Variants in SERINC5 observed in about 807,000 individuals in gnomAD.
SERINC5 encodes serine incorporator 5, also known as chromosome 5 open reading frame 12.
SERINC5 carries 41 observed loss-of-function variants against 63.1 expected under a neutral mutation model. That is an observed-to-expected ratio of 0.65 (90% confidence interval 0.51 to 0.84). SERINC5 has a LOEUF of 0.84. Among genes scored for constraint, SERINC5 ranks in the 40% least tolerant of loss-of-function variants. The pLI is 0.00. For synonymous variants in SERINC5, 222 were observed against 215.2 expected (o/e 1.03, Z -0.28); for missense variants, 523 against 573.0 (o/e 0.91, Z 0.89).
At chr5:80,122,724 A>AG (rs1448346645) in intron 11 of SERINC5, among the ~76,000 whole-genome samples, 2 of 152,358 alleles carry the variant, frequency 1.3e-5, no homozygotes, top group African/African-American at 2.4e-5. Flanking sequence ...TTGAAGTATG[A>AG]GGAAGACTCA....
chr5:80,243,547 T>A (rs1208042980), intron 1 of SERINC5, among the ~76,000 whole-genome samples: 2 of 148,872 alleles, frequency 1.3e-5, no homozygotes, highest in Non-Finnish European at 3.0e-5. Context: ...GATGGGTCAT[T>A]AAAAAAAAAC....
chr5:80,198,363 A>C (rs958371635), intron 2 of SERINC5, among the ~76,000 whole-genome samples: 1 of 152,120 alleles, frequency 6.6e-6, no homozygotes, highest in Non-Finnish European at 1.5e-5. Flanking sequence ...AAAGAAAAGA[A>C]GCAGGACAAA....
chr5:80,240,420 T>C (rs191120505), intron 1 of SERINC5, among the ~76,000 whole-genome samples: 29 of 152,338 alleles, frequency 1.9e-4, no homozygotes, highest in Admixed American at 4.6e-4. Context: ...AACTATATCA[T>C]TTTTATTCAG....
chr5:80,134,074 T>A (rs564541024), downstream of SERINC5, among the ~76,000 whole-genome samples: 2 of 152,340 alleles, frequency 1.3e-5, no homozygotes, highest in East Asian at 3.9e-4. Flanking sequence ...GCTGCATGAC[T>A]CCTAAACCAC....
chr5:80,169,497 C>T lies in SERINC5; in HGVS notation c.601G>A (p.Val201Met), dbSNP rs1373349611. The T allele has an allele frequency of 5.6e-6, 9 of 1,613,762 alleles. No homozygotes were observed. Among genetic ancestry groups the T allele is most frequent in the African/African-American group, 2.7e-5 (2 of 74,890 alleles). Residue 201 changes from valine to methionine, a missense_variant, in exon 6 of 12, where the codon GTG becomes ATG. Val to Met is a conservative substitution (Grantham distance 21). Transcript: ENST00000507668. ...NKLWYASLAL[V>M]TLIMYSIATG... ...GCAATGGAATACATGATGAGCGTCA[C>T]CAGGGCCAGGGAGGCGTACCACAGC... is the stretch of plus-strand genomic sequence containing the variant.
chr5:80,155,303 G>A (rs529424761), intron 8 of SERINC5, among the ~76,000 whole-genome samples: 1 of 152,236 alleles, frequency 6.6e-6, no homozygotes, highest in African/African-American at 2.4e-5. Flanking sequence ...GGCGGCTCAC[G>A]CCTGTAATCC....
rs144527568 is a variant in SERINC5, at chr5:80,117,068, C to T, written c.1239-3443G>A. Among the ~76,000 whole-genome samples, 130 of 151,944 alleles carry T rather than the reference C, an allele frequency of 8.6e-4. 3 individuals carry two copies. Among genetic ancestry groups the T allele is most frequent in the African/African-American group, 2.9e-3 (121 of 41,348 alleles). On this transcript the variant is annotated intron_variant, in intron 11 of 12. Transcript: ENST00000509193. ...CTGGTCTCAAACTCCCGATCTCAGG[C>T]GATCCGCCCGCCTCAGCCTCCCAAA...
chr5:80,181,093 G>A (rs1186012085), intron 2 of SERINC5, among the ~76,000 whole-genome samples: 1 of 152,176 alleles, frequency 6.6e-6, no homozygotes, highest in Non-Finnish European at 1.5e-5. Flanking sequence ...TTGGGAAGTC[G>A]CAGCTATCTA....
At chr5:80,133,128 C>T (rs1427316253) in intron 11 of SERINC5, among the ~76,000 whole-genome samples, 20 of 152,140 alleles carry the variant, frequency 1.3e-4, no homozygotes, top group Admixed American at 1.2e-3. Flanking sequence ...TGCCATGTGA[C>T]GTGCCTGCTC....
At chr5:80,200,485 C>CA (rs11397909) in intron 2 of SERINC5, among the ~76,000 whole-genome samples, 41,426 of 146,090 alleles carry the variant, frequency 0.28, 6,118 homozygotes, top group African/African-American at 0.3. Context: ...GACTCCATCT[C>CA]AAAAAAACAA....
At chr5:80,209,060 G>A (rs762119023) in intron 1 of SERINC5, among the ~76,000 whole-genome samples, 22 of 152,122 alleles carry the variant, frequency 1.4e-4, no homozygotes, top group Non-Finnish European at 2.6e-4. Context: ...CCAGGAGTTC[G>A]AGGCCAGCCT....
At chr5:80,205,045 AAC>A (rs1365970614) in intron 1 of SERINC5, among the ~76,000 whole-genome samples, 1 of 152,164 alleles carries the variant, frequency 6.6e-6, no homozygotes. Flanking sequence ...GCTTACCTAA[AAC>A]ACAGTTACAC....
At chr5:80,137,153 A>C (rs1186160481), downstream of SERINC5, among the ~76,000 whole-genome samples, 4,040 of 134,428 alleles carry the variant, frequency 0.03, 196 homozygotes, top group African/African-American at 0.11. Flanking sequence ...AAAAAAAAAA[A>C]AAAAAAAAAA....
At chr5:80,165,123 A>AAT (rs913802210) in intron 7 of SERINC5, among the ~76,000 whole-genome samples, 8 of 152,054 alleles carry the variant, frequency 5.3e-5, no homozygotes, top group African/African-American at 1.9e-4. Flanking sequence ...GCCAGAAATT[A>AAT]ATACATAAAC....
chr5:80,167,475 C>G (rs1195741862), intron 6 of SERINC5, among the ~76,000 whole-genome samples: 1 of 152,170 alleles, frequency 6.6e-6, no homozygotes, highest in Admixed American at 6.5e-5. Context: ...ACCACATTTT[C>G]TTTATTCAAT....
rs1323543264 is a variant in SERINC5, at chr5:80,142,447, G to A, written c.*1216C>T. 1.0e-6 allele frequency: 1 copy of A among 954,780 alleles called. No individual in the cohort carries two copies. 59.1% of individuals were successfully genotyped at this position (954,780 alleles called of 1,614,324 possible). ...AGGGTTTCACCATGTTAGCCAGGCT[G>A]GTCTTGCAACTCCTGACCTCAAGTG... On this transcript the variant is annotated 3_prime_UTR_variant, in exon 12 of 12. Transcript: ENST00000507668.
Position 80,255,940 on chromosome 5 carries a change from A to AT in SERINC5, c.-19_-18insA. On this transcript the variant is annotated 5_prime_UTR_variant, in exon 1 of 12. Coordinates refer to ENST00000507668, the MANE Select transcript of SERINC5 (RefSeq NM_001174072.3). ...GCTGACATCGCGGCGGCCAATGCCG[A>AT]AGGCGCGCTCGCTGGCTCCCCGCGC... 6.5e-7 allele frequency: 1 copy of AT among 1,542,434 alleles called. No homozygotes were observed. The highest frequency in any genetic ancestry group is 8.7e-7 in the Non-Finnish European group (1 of 1,153,384).
chr5:80,194,334 T>C (rs1434762621), intron 2 of SERINC5, among the ~76,000 whole-genome samples: 2 of 152,196 alleles, frequency 1.3e-5, no homozygotes, highest in Non-Finnish European at 2.9e-5. Context: ...TACAGTGTGC[T>C]CTGAACATTC....
intron 1 of SERINC5, 164 bp from the exon 2 acceptor site, chr5:80,203,217 C>G (rs1054367028): frequency 1.1e-5 from 7 of 633,454 alleles, no homozygotes; most frequent in South Asian, 8.3e-5. Flanking sequence ...TTAGCCTGGT[C>G]AACACAGCAA....
Sources: allele counts gnomAD v4.1 joint callset (sites outside exome capture counted in the v4.1 genomes callset), GRCh38; gene constraint gnomAD v4.1.1; transcripts MANE v1.5; gene names NCBI Gene and HGNC (gene_info 2026-07-23, HGNC 2026-07-21).